PCDH15: variants seen among roughly 807,000 people sequenced by gnomAD.
The protein encoded by PCDH15 is protocadherin related 15.
In PCDH15, 129 loss-of-function variants were observed where a neutral mutation model predicts 178.5. The observed-to-expected ratio is 0.72, with a 90% CI of 0.63 to 0.84. The LOEUF is 0.84. PCDH15 is among the 40% of genes least tolerant of loss of function. The pLI, the probability that PCDH15 is intolerant of heterozygous loss-of-function variation, is 0.00. For missense variants in PCDH15, 2,230 were observed against 2,099.9 expected (o/e 1.06, Z -1.21); for synonymous variants, 800 against 732.0 (o/e 1.09, Z -1.50).
At chr10:55,355,012 T>C (rs561296479) in intron 2 of PCDH15, among the ~76,000 whole-genome samples, 14 of 152,180 alleles carry the variant, frequency 9.2e-5, no homozygotes, top group African/African-American at 3.4e-4. Context: ...GGAATTAACT[T>C]TTTAAAGACT....
chr10:54,840,144 G>T (rs540233184), intron 3 of PCDH15, among the ~76,000 whole-genome samples: 207 of 152,108 alleles, frequency 1.4e-3, no homozygotes, highest in Middle Eastern at 6.8e-3. Context: ...TAAATAGACA[G>T]GCAAATTCAG....
chr10:54,724,997 G>A (rs1942273682), intron 1 of PCDH15, among the ~76,000 whole-genome samples: 2 of 151,244 alleles, frequency 1.3e-5, no homozygotes, highest in Non-Finnish European at 3.0e-5. Flanking sequence ...CACAGCTAAT[G>A]TATACCTTAC....
intron 36 of PCDH15, among the ~76,000 whole-genome samples, chr10:53,811,246 GA>G (rs1306536846): frequency 6.6e-6 from 1 of 152,094 alleles, no homozygotes; most frequent in Non-Finnish European, 1.5e-5. Context: ...AAGAAATGGT[GA>G]ATTTAGGAAT....
chr10:54,669,781 G>A (rs965559214), intron 1 of PCDH15, among the ~76,000 whole-genome samples: 1 of 150,932 alleles, frequency 6.6e-6, no homozygotes, highest in Admixed American at 6.7e-5. Context: ...GGCCAGGCGC[G>A]GTGGATCACA....
chr10:55,614,602 T>G (rs1843438119), intron 2 of PCDH15, among the ~76,000 whole-genome samples: 1 of 152,190 alleles, frequency 6.6e-6, no homozygotes, highest in Admixed American at 6.5e-5. Context: ...CTGAAGGTGA[T>G]TTCCACATAA....
chr10:53,856,875 T>A (rs2133034527), intron 28 of PCDH15, among the ~76,000 whole-genome samples: 1 of 152,232 alleles, frequency 6.6e-6, no homozygotes, highest in Non-Finnish European at 1.5e-5. Flanking sequence ...TGCATGTTAT[T>A]ATTTATAAAT....
At chr10:54,924,691 G>C (rs554213996) in intron 2 of PCDH15, among the ~76,000 whole-genome samples, 1 of 152,188 alleles carries the variant, frequency 6.6e-6, no homozygotes, top group Non-Finnish European at 1.5e-5. Context: ...TTTTCCTAGT[G>C]ATCAGTGATG....
At chr10:55,331,448 A>T (rs1183283273) in intron 2 of PCDH15, among the ~76,000 whole-genome samples, 1 of 151,976 alleles carries the variant, frequency 6.6e-6, no homozygotes, top group African/African-American at 2.4e-5. Context: ...GAATTGCTTT[A>T]AAAAAAGGAA....
intron 2 of PCDH15, among the ~76,000 whole-genome samples, chr10:55,020,548 C>A (rs1840300788): frequency 1.3e-5 from 2 of 151,972 alleles, no homozygotes; most frequent in African/African-American, 4.8e-5. Context: ...ATTTGTTAAT[C>A]TATTACTACA....
chr10:55,047,586 G>C (rs1004022889), intron 2 of PCDH15, among the ~76,000 whole-genome samples: 2 of 151,756 alleles, frequency 1.3e-5, no homozygotes, highest in African/African-American at 4.8e-5. Context: ...AATAAAGAGG[G>C]GGAAGTGACA....
intron 2 of PCDH15, among the ~76,000 whole-genome samples, chr10:54,989,054 T>C (rs1839441081): frequency 6.6e-6 from 1 of 152,148 alleles, no homozygotes; most frequent in African/African-American, 2.4e-5. Context: ...GTGGCCAACA[T>C]AGAGCTTGGG....
intron 3 of PCDH15, among the ~76,000 whole-genome samples, chr10:54,411,025 G>A (rs1009102846): frequency 7.9e-5 from 12 of 152,128 alleles, no homozygotes; most frequent in Admixed American, 1.3e-4. Flanking sequence ...GTTTAAGTAT[G>A]TGTCTCTGTA....
chr10:55,150,498 C>A (rs1326848422), intron 2 of PCDH15, among the ~76,000 whole-genome samples: 1 of 152,028 alleles, frequency 6.6e-6, no homozygotes, highest in Admixed American at 6.6e-5. Flanking sequence ...TAGTTACAGT[C>A]TATTTATACA....
chr10:55,378,195 C>T (rs374147319), intron 2 of PCDH15, among the ~76,000 whole-genome samples: 1 of 152,022 alleles, frequency 6.6e-6, no homozygotes, highest in African/African-American at 2.4e-5. Context: ...TATCCCAGAA[C>T]TTAAAGTATA....
Position 55,512,018 on chromosome 10 carries a change from T to C in PCDH15, c.-156+115607A>G, listed in dbSNP as rs1271762075. ...ATTAATGCCTAATATCAGAACTCTT[T>C]CTGAAGGGGAAAAACATTTTGATAA... On this transcript the variant is annotated intron_variant, in intron 2 of 5. Coordinates refer to the PCDH15 transcript ENST00000613346. Among the ~76,000 whole-genome samples, 3 of 152,052 alleles carry C rather than the reference T, an allele frequency of 2.0e-5. No individual in the cohort carries two copies. The Admixed American group carries it at 2.0e-4, about 10-fold the overall frequency.
intron 1 of PCDH15, among the ~76,000 whole-genome samples, chr10:54,781,686 G>A (rs1950377848): frequency 6.6e-6 from 1 of 152,160 alleles, no homozygotes; most frequent in African/African-American, 2.4e-5. Flanking sequence ...TATCTGAACT[G>A]TAAGATATTA....
At chr10:55,615,071 T>C (rs1407981375) in intron 2 of PCDH15, among the ~76,000 whole-genome samples, 1 of 152,146 alleles carries the variant, frequency 6.6e-6, no homozygotes, top group Non-Finnish European at 1.5e-5. Flanking sequence ...AAATCAGACT[T>C]CTGACCATGT....
chr10:54,086,121 C>T (rs1358096658), intron 16 of PCDH15, among the ~76,000 whole-genome samples: 1 of 152,006 alleles, frequency 6.6e-6, no homozygotes, highest in Non-Finnish European at 1.5e-5. Flanking sequence ...TTATTTGTCT[C>T]ACAGTTCTAC....
intron 3 of PCDH15, among the ~76,000 whole-genome samples, chr10:54,852,656 A>G (rs543019967): frequency 1.1e-4 from 17 of 151,146 alleles, no homozygotes; most frequent in East Asian, 1.0e-3. Flanking sequence ...TTCAAGACCA[A>G]CTTGGCTAAG....
Sources: gnomAD v4.1 joint callset for allele counts (sites outside exome capture counted in the v4.1 genomes callset) on GRCh38, gnomAD v4.1.1 for gene constraint, MANE v1.5 for transcripts, NCBI Gene and HGNC (gene_info 2026-07-23, HGNC 2026-07-21) for gene names.